The following ARFGEF1 variants were observed in gnomAD, a reference collection of about 807,000 sequenced individuals.
ARFGEF1 encodes the protein brefeldin A-inhibited guanine nucleotide-exchange protein 1.
In ARFGEF1, 42 loss-of-function variants were observed where a neutral mutation model predicts 231.0. That is an observed-to-expected ratio of 0.18 (90% CI 0.14 to 0.24). ARFGEF1 has a LOEUF of 0.24. Among genes scored for constraint, ARFGEF1 ranks in the 10% least tolerant of loss-of-function variants. ARFGEF1 has a pLI of 1.00. For synonymous variants in ARFGEF1, 710 were observed against 732.3 expected (o/e 0.97, Z 0.49); for missense variants, 1,345 against 2,192.0 (o/e 0.61, Z 7.72).
chr8:67,268,205 C>T (rs1249868394), intron 10 of ARFGEF1, among the ~76,000 whole-genome samples: 1 of 152,128 alleles, frequency 6.6e-6, no homozygotes, highest in Non-Finnish European at 1.5e-5. Flanking sequence ...GGATTAGGTA[C>T]CCCTGTAATG....
downstream of ARFGEF1, chr8:67,193,317 G>T: frequency 1.8e-6 from 1 of 544,692 alleles, no homozygotes; most frequent in Non-Finnish European, 3.2e-6. Context: ...GGCTGGTCTT[G>T]AACTCCTGAC....
chr8:67,280,312 C>T (rs754117854), intron 7 of ARFGEF1, among the ~76,000 whole-genome samples: 1 of 152,166 alleles, frequency 6.6e-6, no homozygotes, highest in Non-Finnish European at 1.5e-5. Flanking sequence ...ATCATCTAGA[C>T]TGTATTTGAT....
chr8:67,263,500 T>C (rs1261018833), intron 14 of ARFGEF1, among the ~76,000 whole-genome samples: 1 of 152,176 alleles, frequency 6.6e-6, no homozygotes, highest in Non-Finnish European at 1.5e-5. Flanking sequence ...CCTTCTGTAA[T>C]TTAGATCCAA....
chr8:67,341,582 G>A (rs1808630616), intron 1 of ARFGEF1, among the ~76,000 whole-genome samples: 1 of 152,136 alleles, frequency 6.6e-6, no homozygotes, highest in East Asian at 1.9e-4. Flanking sequence ...GGGTGACAGA[G>A]CAAGCCCCTG....
At chr8:67,177,349 C>T (rs1418662069) in intron 5 of ARFGEF1, among the ~76,000 whole-genome samples, 1 of 152,186 alleles carries the variant, frequency 6.6e-6, no homozygotes, top group African/African-American at 2.4e-5. Context: ...CCCTGTTTAA[C>T]TCCATGCAAC....
Position 67,197,683 on chromosome 8 carries a change from C to G in ARFGEF1, c.*1251G>C. 1.0e-6 allele frequency: 1 copy of G among 985,746 alleles called. No individual in the cohort carries two copies. Among genetic ancestry groups the G allele is most frequent in the Non-Finnish European group, 1.2e-6 (1 of 829,908 alleles). 61.1% of individuals were successfully genotyped at this position (985,746 alleles called of 1,614,324 possible). A position where few individuals can be genotyped will look rare whatever the true frequency, so the allele number is the denominator to read the frequency against. The stretch of plus-strand genomic sequence containing the variant: ...TTTTGATTGCACTGATGAAATAATT[C>G]AAAAACTTTATTGACCTATAACCTG... On this transcript the variant is annotated 3_prime_UTR_variant, in exon 39 of 39. Transcript: ENST00000262215.
chr8:67,336,394 G>C (rs962000855), intron 1 of ARFGEF1, among the ~76,000 whole-genome samples: 4 of 152,194 alleles, frequency 2.6e-5, no homozygotes, highest in African/African-American at 9.7e-5. Context: ...GGATAAAAGG[G>C]AACTTGCATT....
At chr8:67,339,900 G>GTTTAT (rs2128939191) in intron 1 of ARFGEF1, among the ~76,000 whole-genome samples, 1 of 148,336 alleles carries the variant, frequency 6.7e-6, no homozygotes, top group Non-Finnish European at 1.5e-5. Flanking sequence ...CCCTTTAAAG[G>GTTTAT]TTTATTTTTC....
chr8:67,261,148 G>A (rs1804604342), intron 14 of ARFGEF1, among the ~76,000 whole-genome samples: 1 of 152,160 alleles, frequency 6.6e-6, no homozygotes, highest in Non-Finnish European at 1.5e-5. Context: ...GCTGCAGCAA[G>A]TTATCCAGAA....
At chr8:67,197,066 G>A (rs1287158740), downstream of ARFGEF1, among the ~76,000 whole-genome samples, 1 of 152,112 alleles carries the variant, frequency 6.6e-6, no homozygotes, top group Non-Finnish European at 1.5e-5. Flanking sequence ...ACACAATATT[G>A]CAAACTGTGC....
chr8:67,200,798 C>G (rs1838299352), intron 37 of ARFGEF1, among the ~76,000 whole-genome samples: 1 of 152,148 alleles, frequency 6.6e-6, no homozygotes, highest in Admixed American at 6.6e-5. Flanking sequence ...GTGGCACATG[C>G]AAAGCTTAGT....
chr8:67,285,890 A>G (rs551231598), intron 7 of ARFGEF1, among the ~76,000 whole-genome samples: 26 of 152,182 alleles, frequency 1.7e-4, no homozygotes, highest in Non-Finnish European at 3.7e-4. Flanking sequence ...AGCAAATGTC[A>G]TGAAAGTTGG....
At chr8:67,335,101 A>ATTTTT (rs1166810807) in intron 1 of ARFGEF1, among the ~76,000 whole-genome samples, 2 of 132,366 alleles carry the variant, frequency 1.5e-5, no homozygotes, top group Admixed American at 7.8e-5. Context: ...ATCACGGTAA[A>ATTTTT]TTTTTTTTTT....
At chr8:67,335,798 G>A (rs1808320164) in intron 1 of ARFGEF1, among the ~76,000 whole-genome samples, 1 of 151,546 alleles carries the variant, frequency 6.6e-6, no homozygotes. Context: ...TCGGGCTGGA[G>A]TGCAGTAGCA....
At chr8:67,256,100 A>G (rs1189269835) in intron 17 of ARFGEF1, among the ~76,000 whole-genome samples, 1 of 149,584 alleles carries the variant, frequency 6.7e-6, no homozygotes, top group Non-Finnish European at 1.5e-5. Context: ...GTGTAGATTG[A>G]AAAATCAAAT....
intron 10 of ARFGEF1, among the ~76,000 whole-genome samples, chr8:67,268,013 G>C (rs1403964397): frequency 1.3e-5 from 2 of 152,050 alleles, no homozygotes; most frequent in Non-Finnish European, 2.9e-5. Context: ...AAATAATCAA[G>C]CAGTGAGTTA....
intron 19 of ARFGEF1, among the ~76,000 whole-genome samples, chr8:67,250,906 A>C (rs1013379059): frequency 3.3e-5 from 5 of 152,242 alleles, no homozygotes; most frequent in Non-Finnish European, 7.3e-5. Context: ...AGGCATATTC[A>C]GAAGCCTGAT....
Position 67,198,932 on chromosome 8 carries a change from C to T in ARFGEF1, c.*2G>A, listed in dbSNP as rs759303967. On this transcript the variant is annotated 3_prime_UTR_variant, in exon 39 of 39. Transcript: ENST00000262215. ...AATGCCAACAAAAATATTAAGTTCC[C>T]ATCATTGCTTGTTTATTCCAAGTTC... 2.5e-6 allele frequency: 4 copies of T among 1,612,396 alleles called. No homozygotes were observed. The highest frequency in any genetic ancestry group is 2.2e-5 in the East Asian group (1 of 44,726).
At chr8:67,225,972 C>G in intron 28 of ARFGEF1, 51 bp downstream of exon 28, 1 of 1,480,210 alleles carries the variant, frequency 6.8e-7, no homozygotes, top group Non-Finnish European at 9.0e-7. Flanking sequence ...CTTAAGATTT[C>G]AAATTGGAAA....
Sources: allele counts gnomAD v4.1 joint callset (sites outside exome capture counted in the v4.1 genomes callset), GRCh38; gene constraint gnomAD v4.1.1; transcripts MANE v1.5; gene names NCBI Gene and HGNC (gene_info 2026-07-23, HGNC 2026-07-21).